Variants in RNF130 observed in about 807,000 individuals in gnomAD.
RNF130 encodes the protein ring finger protein 130.
A neutral mutation model predicts 44.6 loss-of-function variants in RNF130; 21 were observed. The ratio of observed to expected loss-of-function variants is 0.47; its 90% CI spans 0.33 to 0.68. The LOEUF (loss-of-function observed/expected upper bound fraction) is 0.68. Among genes scored for constraint, RNF130 ranks in the 30% least tolerant of loss-of-function variants. RNF130 has a pLI of 0.02. For synonymous variants in RNF130, 214 were observed against 210.4 expected, an observed-to-expected ratio of 1.02 and a Z score of -0.15; for missense variants, 479 against 560.6, an observed-to-expected ratio of 0.85 and a Z score of 1.47.
intron 1 of RNF130, among the ~76,000 whole-genome samples, chr5:180,062,037 T>C (rs1764998437): frequency 1.3e-5 from 2 of 150,894 alleles, no homozygotes; most frequent in African/African-American, 4.9e-5. Context: ...GCAAACATGC[T>C]TCCCCCTCCC....
At chr5:180,017,392 T>TCC (rs2113096616) in intron 2 of RNF130, among the ~76,000 whole-genome samples, 1 of 152,292 alleles carries the variant, frequency 6.6e-6, no homozygotes, top group East Asian at 1.9e-4. Context: ...ATAAATGTTT[T>TCC]CCTCTTAATT....
At position 180,071,682 on chromosome 5, in the gene RNF130, C is replaced by A; in HGVS notation, c.21G>T (p.Ala7=). 7.2e-7 allele frequency: 1 copy of A among 1,397,608 alleles called. No homozygotes were observed. The allele number at this position is 1,397,608 out of a possible 1,614,324, so 86.6% of individuals were successfully genotyped here. A position where few individuals can be genotyped will look rare whatever the true frequency, so the allele number is the denominator to read the frequency against. ...CGAGCGCGGCGAGCCGGGCAGGGCC[C>A]GCCCGCCCCGCGCAGCTCATCGTCC... MSCAGR[A]GPARLAALAL... The change falls in exon 1 of 9, where the codon GCG becomes GCT. Residue 7 remains alanine (A), a synonymous_variant. Coordinates refer to ENST00000521389, the MANE Select transcript of RNF130 (RefSeq NM_018434.6).
In RNF130 at chr5:179,977,020, C is replaced by T. The variant is rs1030728730; in HGVS notation, c.848+1183G>A. On this transcript the variant is annotated intron_variant, in intron 5 of 8. Coordinates refer to ENST00000521389, the MANE Select transcript of RNF130 (RefSeq NM_018434.6). The surrounding 1 kb of genome is among the most constrained non-coding windows in gnomAD (Gnocchi z 4.1). ...TGTTTCCAGGGCAACCAGGCACAGG[C>T]GAGTCCTTTCCTCATGGAGGAAGGC... 4.6e-5 allele frequency: 7 copies of T among 152,168 alleles called. No homozygotes were observed. Among genetic ancestry groups the T allele is most frequent in the African/African-American group, 1.4e-4 (6 of 41,414 alleles). The allele number at this position is 152,168 out of a possible 1,614,324, so 9.4% of individuals were successfully genotyped here. A position where few individuals can be genotyped will look rare whatever the true frequency, so the allele number is the denominator to read the frequency against.
intron 3 of RNF130, among the ~76,000 whole-genome samples, chr5:180,010,191 A>G (rs927611550): frequency 1.2e-4 from 17 of 142,346 alleles, no homozygotes; most frequent in Admixed American, 2.2e-4. Context: ...AGCTTGCAGT[A>G]AGCTGAGATC....
chr5:180,010,160 T>C (rs1214873613), intron 3 of RNF130, among the ~76,000 whole-genome samples: 1 of 135,602 alleles, frequency 7.4e-6, no homozygotes, highest in African/African-American at 2.8e-5. Flanking sequence ...GGCAGGAGAA[T>C]GGCGTGAACC....
At chr5:180,061,020 A>G (rs1364122858) in intron 1 of RNF130, among the ~76,000 whole-genome samples, 10 of 148,136 alleles carry the variant, frequency 6.8e-5, no homozygotes, top group Non-Finnish European at 1.3e-4. Context: ...GCAGTGAGCC[A>G]AGATTGTCCC....
intron 2 of RNF130, among the ~76,000 whole-genome samples, chr5:180,013,751 C>G (rs369979831): frequency 5.9e-5 from 9 of 152,158 alleles, no homozygotes; most frequent in Non-Finnish European, 1.2e-4. Context: ...GAGTAAAGTG[C>G]TGTTTTTATA....
intron 8 of RNF130, among the ~76,000 whole-genome samples, chr5:179,958,493 G>A (rs141998983): frequency 0.012 from 1,809 of 152,256 alleles, 21 homozygotes; most frequent in Admixed American, 0.037. Flanking sequence ...CTCGGCCTCT[G>A]ATCCCTCCTA....
intron 7 of RNF130, among the ~76,000 whole-genome samples, chr5:179,946,363 C>A (rs1039262170): frequency 5.9e-5 from 9 of 152,132 alleles, no homozygotes; most frequent in African/African-American, 1.9e-4. Flanking sequence ...TCCTGACCCA[C>A]GGTGAGAAAC....
chr5:179,916,175 G>A (rs953010504), exon 8 of RNF130: 7 of 152,144 alleles, frequency 4.6e-5, no homozygotes, highest in African/African-American at 1.7e-4. Context: ...TCCTATAGCA[G>A]AGCCAATGCC....
At chr5:180,054,167 A>T (rs1764751613) in intron 1 of RNF130, among the ~76,000 whole-genome samples, 1 of 152,162 alleles carries the variant, frequency 6.6e-6, no homozygotes, top group East Asian at 1.9e-4. Flanking sequence ...ACTTCATTTC[A>T]GTAGAACAGC....
chr5:179,930,337 T>G (rs1582125685), intron 7 of RNF130, among the ~76,000 whole-genome samples: 1 of 152,340 alleles, frequency 6.6e-6, no homozygotes, highest in South Asian at 2.1e-4. Context: ...ATTACAGGCA[T>G]GAGCCACTGC....
At chr5:180,065,100 G>C (rs1346481809) in intron 1 of RNF130, among the ~76,000 whole-genome samples, 1 of 151,124 alleles carries the variant, frequency 6.6e-6, no homozygotes, top group Non-Finnish European at 1.5e-5. Flanking sequence ...CCAATGCTTG[G>C]AATTCATTTT....
chr5:179,920,472 G>C, intron 7 of RNF130: 1 of 693,698 alleles, frequency 1.4e-6, no homozygotes, highest in Admixed American at 2.0e-5. Flanking sequence ...CACCAGGCTT[G>C]TGTTTCTCAC....
intron 7 of RNF130, among the ~76,000 whole-genome samples, chr5:179,966,453 A>G (rs1762451873): frequency 6.6e-6 from 1 of 152,208 alleles, no homozygotes. Context: ...CACAGCATAC[A>G]ACACACCAGC....
At chr5:180,037,325 G>A (rs996788900) in intron 2 of RNF130, among the ~76,000 whole-genome samples, 2 of 152,182 alleles carry the variant, frequency 1.3e-5, no homozygotes, top group African/African-American at 2.4e-5. Flanking sequence ...GCTCTCACAC[G>A]GTTGGAGGTG....
At position 179,963,630 on chromosome 5, in the gene RNF130, T is replaced by A. The variant is rs932318876; in HGVS notation, c.1151-66A>T. 7.1e-6 allele frequency: 8 copies of A among 1,130,360 alleles called. No homozygotes were observed. In the South Asian group the frequency reaches 1.0e-4, roughly 15 times the overall value. 70.0% of individuals were successfully genotyped at this position (1,130,360 alleles called of 1,614,324 possible). A position where few individuals can be genotyped will look rare whatever the true frequency, so the allele number is the denominator to read the frequency against. ...GGTTTAAGTCAAATCGATGCCAACA[T>A]TTCCCTCAAATGCAACGAAGCAGAC... On this transcript the variant is annotated intron_variant, in intron 7 of 8. Coordinates refer to ENST00000521389, the MANE Select transcript of RNF130 (RefSeq NM_018434.6).
chr5:179,976,464 C>G (rs1392763483), intron 5 of RNF130, among the ~76,000 whole-genome samples: 1 of 152,204 alleles, frequency 6.6e-6, no homozygotes, highest in Non-Finnish European at 1.5e-5. Context: ...CTCCCTGTGT[C>G]CCGCTGGCCC....
intron 7 of RNF130, among the ~76,000 whole-genome samples, chr5:179,947,038 C>G (rs1465841392): frequency 3.3e-5 from 5 of 152,140 alleles, no homozygotes; most frequent in Admixed American, 1.3e-4. Flanking sequence ...GTTGAGTGTG[C>G]ACAAGTGCAC....
Sources: allele counts gnomAD v4.1 joint callset (sites outside exome capture counted in the v4.1 genomes callset), GRCh38; gene constraint gnomAD v4.1.1; non-coding constraint Gnocchi (gnomAD v3.1); transcripts MANE v1.5; gene names NCBI Gene and HGNC (gene_info 2026-07-23, HGNC 2026-07-21).